The following PRKG1 variants were observed in gnomAD, a reference collection of about 807,000 sequenced individuals.
PRKG1 encodes the protein cGMP-dependent protein kinase 1.
PRKG1 carries 35 observed loss-of-function variants against 88.1 expected under a neutral mutation model. The ratio of observed to expected loss-of-function variants is 0.40; its 90% CI spans 0.30 to 0.53. PRKG1 has a LOEUF of 0.53. Ranked by LOEUF, PRKG1 falls within the 20% of genes least tolerant of loss-of-function variation. The probability of loss-of-function intolerance (pLI) is 0.59; values close to 1 mark genes in which losing one functional copy is unlikely to be tolerated. For missense variants in PRKG1, 540 were observed against 839.8 expected, an observed-to-expected ratio of 0.64 and a Z score of 4.41; for synonymous variants, 303 against 292.5, an observed-to-expected ratio of 1.04 and a Z score of -0.37.
chr10:51,505,175 G>C (rs79853765), intron 3 of PRKG1, among the ~76,000 whole-genome samples: 38,617 of 151,666 alleles, frequency 0.25, 5,197 homozygotes, highest in Non-Finnish European at 0.31. Context: ...AGAGTTTTTA[G>C]CATGAAGGGT....
At chr10:51,488,697 A>AAC (rs547702349) in intron 3 of PRKG1, among the ~76,000 whole-genome samples, 131 of 152,194 alleles carry the variant, frequency 8.6e-4, no homozygotes, top group African/African-American at 3.0e-3. Flanking sequence ...TAAAAATTTA[A>AAC]ACACACACAC....
chr10:51,766,622 T>A (rs1838170742), intron 3 of PRKG1, among the ~76,000 whole-genome samples: 1 of 152,126 alleles, frequency 6.6e-6, no homozygotes, highest in Non-Finnish European at 1.5e-5. Context: ...CTCCTACTCC[T>A]ATGGGGAAGA....
At chr10:51,597,021 G>A (rs902591461) in intron 3 of PRKG1, among the ~76,000 whole-genome samples, 1 of 152,166 alleles carries the variant, frequency 6.6e-6, no homozygotes, top group Non-Finnish European at 1.5e-5. Flanking sequence ...TATCGTCCCT[G>A]TAACAAGCTT....
chr10:52,083,193 T>C (rs1284635918), intron 7 of PRKG1, among the ~76,000 whole-genome samples: 1 of 152,142 alleles, frequency 6.6e-6, no homozygotes, highest in Non-Finnish European at 1.5e-5. Flanking sequence ...TCTAATTTAC[T>C]TAATTTGATG....
intron 4 of PRKG1, among the ~76,000 whole-genome samples, chr10:51,851,345 G>A (rs1205087270): frequency 2.0e-5 from 3 of 152,136 alleles, no homozygotes; most frequent in Admixed American, 1.3e-4. Context: ...TGGAGTTTGT[G>A]GGTGGGGTTG....
chr10:51,464,004 G>A (rs912050112), intron 2 of PRKG1, among the ~76,000 whole-genome samples: 1 of 152,094 alleles, frequency 6.6e-6, no homozygotes, highest in South Asian at 2.1e-4. Flanking sequence ...GGGTGCGATA[G>A]CTCACGCCTG....
chr10:51,070,711 A>T (rs1279481921), upstream of PRKG1, among the ~76,000 whole-genome samples: 1 of 152,194 alleles, frequency 6.6e-6, no homozygotes, highest in Non-Finnish European at 1.5e-5. Flanking sequence ...TGATTCTGAG[A>T]ATCCATTAAG....
At chr10:51,665,075 C>A (rs992339959) in intron 3 of PRKG1, among the ~76,000 whole-genome samples, 7 of 152,082 alleles carry the variant, frequency 4.6e-5, no homozygotes, top group African/African-American at 1.7e-4. Flanking sequence ...GAGTACAAAT[C>A]TCTTACTTTT....
intron 4 of PRKG1, among the ~76,000 whole-genome samples, chr10:51,868,534 A>G (rs913240969): frequency 6.6e-6 from 1 of 152,066 alleles, no homozygotes; most frequent in African/African-American, 2.4e-5. Flanking sequence ...GAAAATATTC[A>G]GCCTTGGCAT....
intron 10 of PRKG1, chr10:52,251,925 A>C: frequency 3.3e-6 from 1 of 301,546 alleles, no homozygotes; most frequent in Non-Finnish European, 6.1e-6. Context: ...AGGTAAACAC[A>C]TTTACTTAAA....
chr10:51,518,699 TAGG>T (rs1203445109), intron 3 of PRKG1, among the ~76,000 whole-genome samples: 1 of 152,094 alleles, frequency 6.6e-6, no homozygotes. Flanking sequence ...AAGAAATACT[TAGG>T]GGGTGGATTT....
intron 4 of PRKG1, among the ~76,000 whole-genome samples, chr10:51,808,428 T>G (rs1839364234): frequency 6.6e-6 from 1 of 152,046 alleles, no homozygotes; most frequent in Admixed American, 6.6e-5. Flanking sequence ...CAACCCTGTC[T>G]CTGCAAAAAA....
chr10:51,861,086 G>A (rs755125743), intron 4 of PRKG1, among the ~76,000 whole-genome samples: 27 of 152,020 alleles, frequency 1.8e-4, no homozygotes, highest in Non-Finnish European at 3.2e-4. Context: ...TAAAAAAAAA[G>A]TATACCCATT....
chr10:52,103,247 T>C (rs1847338145), intron 7 of PRKG1, among the ~76,000 whole-genome samples: 2 of 152,254 alleles, frequency 1.3e-5, no homozygotes, highest in African/African-American at 2.4e-5. Context: ...CACTGCCACA[T>C]AGAAACATTT....
At chr10:51,593,966 C>G (rs1455046881) in intron 3 of PRKG1, among the ~76,000 whole-genome samples, 2 of 152,080 alleles carry the variant, frequency 1.3e-5, no homozygotes, top group African/African-American at 4.8e-5. Flanking sequence ...CTCAGGTAAT[C>G]TACCCGCCCT....
intron 2 of PRKG1, among the ~76,000 whole-genome samples, chr10:51,377,510 GC>G (rs1189336640): frequency 6.6e-6 from 1 of 152,144 alleles, no homozygotes; most frequent in Non-Finnish European, 1.5e-5. Flanking sequence ...GGCTCTGCTA[GC>G]ACTGCTGAAA....
intron 3 of PRKG1, among the ~76,000 whole-genome samples, chr10:51,658,725 G>C (rs879561881): frequency 1.3e-5 from 2 of 152,186 alleles, no homozygotes; most frequent in Non-Finnish European, 2.9e-5. Flanking sequence ...TTTCCATAGA[G>C]AGCGGTTCTT....
At chr10:51,658,881 TAA>T (rs1241142118) in intron 3 of PRKG1, among the ~76,000 whole-genome samples, 1 of 152,128 alleles carries the variant, frequency 6.6e-6, no homozygotes, top group Non-Finnish European at 1.5e-5. Context: ...ATAAAATACT[TAA>T]GTTTTTTTTG....
At chr10:51,814,810 G>A (rs890969181) in intron 4 of PRKG1, among the ~76,000 whole-genome samples, 11 of 151,896 alleles carry the variant, frequency 7.2e-5, no homozygotes, top group African/African-American at 2.7e-4. Context: ...TCAGATATTT[G>A]CATAATTATA....
Sources: allele counts gnomAD v4.1 joint callset (sites outside exome capture counted in the v4.1 genomes callset), GRCh38; gene constraint gnomAD v4.1.1; transcripts MANE v1.5; gene names NCBI Gene and HGNC (gene_info 2026-07-23, HGNC 2026-07-21).